GPC6: variants seen among roughly 807,000 people sequenced by gnomAD.
The protein encoded by GPC6 is glypican-6.
Under a neutral mutation model 55.2 loss-of-function variants are expected in GPC6, and 14 were observed. The observed-to-expected ratio is 0.25, with a 90% CI of 0.17 to 0.40. The LOEUF (loss-of-function observed/expected upper bound fraction) is 0.40, where lower values mean the gene tolerates loss of function less well. Ranked by LOEUF, GPC6 falls within the 10% of genes least tolerant of loss-of-function variation. The pLI is 1.00. For synonymous variants in GPC6, 278 were observed against 259.6 expected, an observed-to-expected ratio of 1.07 and a Z score of -0.68; for missense variants, 641 against 708.5, an observed-to-expected ratio of 0.90 and a Z score of 1.08.
chr13:93,326,475 C>A (rs914995892), intron 1 of GPC6, among the ~76,000 whole-genome samples: 1 of 152,040 alleles, frequency 6.6e-6, no homozygotes, highest in East Asian at 1.9e-4. Context: ...CACACGTGTA[C>A]GCAGTTCAAG....
intron 4 of GPC6, among the ~76,000 whole-genome samples, chr13:94,251,954 A>G (rs545137466): frequency 1.3e-5 from 2 of 152,210 alleles, no homozygotes; most frequent in African/African-American, 4.8e-5. Flanking sequence ...AATCTCAAGG[A>G]CACATTCTTC....
chr13:93,670,988 C>G (rs1260968550), intron 2 of GPC6, among the ~76,000 whole-genome samples: 1 of 152,142 alleles, frequency 6.6e-6, no homozygotes, highest in Non-Finnish European at 1.5e-5. Context: ...TGGTCTTGCT[C>G]CCTTTCCATT....
At chr13:93,673,822 A>G (rs1195570341) in intron 2 of GPC6, among the ~76,000 whole-genome samples, 2 of 152,054 alleles carry the variant, frequency 1.3e-5, no homozygotes, top group East Asian at 1.9e-4. Flanking sequence ...TGGCTTTTCA[A>G]TTTTTATTTT....
At chr13:93,553,171 T>C (rs943303496) in intron 2 of GPC6, among the ~76,000 whole-genome samples, 1 of 152,182 alleles carries the variant, frequency 6.6e-6, no homozygotes, top group Non-Finnish European at 1.5e-5. Context: ...GCAGATTCTT[T>C]ATGTTCCTTA....
chr13:94,028,599 C>T (rs1241107602), intron 4 of GPC6, among the ~76,000 whole-genome samples: 1 of 152,036 alleles, frequency 6.6e-6, no homozygotes, highest in Non-Finnish European at 1.5e-5. Flanking sequence ...TTTCCTTGAA[C>T]TCCTAGAATG....
chr13:94,373,791 A>G (rs565725383), intron 6 of GPC6, among the ~76,000 whole-genome samples: 1 of 152,340 alleles, frequency 6.6e-6, no homozygotes, highest in East Asian at 1.9e-4. Context: ...AATGAAGGAA[A>G]AAATGTTAAG....
At chr13:94,007,450 A>G (rs1882067356) in intron 3 of GPC6, among the ~76,000 whole-genome samples, 1 of 152,170 alleles carries the variant, frequency 6.6e-6, no homozygotes, top group Non-Finnish European at 1.5e-5. Flanking sequence ...GTGTTCTTGC[A>G]TGCTGCCCAT....
At chr13:94,097,443 C>T (rs888221363) in intron 4 of GPC6, among the ~76,000 whole-genome samples, 1 of 142,260 alleles carries the variant, frequency 7.0e-6, no homozygotes, top group Middle Eastern at 3.6e-3. Flanking sequence ...GGAGGCGGAG[C>T]TTGCAGTGAG....
At chr13:94,122,859 G>A (rs1241277247) in intron 4 of GPC6, among the ~76,000 whole-genome samples, 1 of 151,952 alleles carries the variant, frequency 6.6e-6, no homozygotes, top group East Asian at 1.9e-4. Flanking sequence ...TGTTTTTGAC[G>A]CTCTTCTTAC....
At chr13:93,825,301 G>T (rs1188753668) in intron 2 of GPC6, among the ~76,000 whole-genome samples, 1 of 152,146 alleles carries the variant, frequency 6.6e-6, no homozygotes, top group Non-Finnish European at 1.5e-5. Context: ...ACAGCACAGT[G>T]CTCCCCAAAC....
chr13:93,439,552 T>C (rs777430519), intron 1 of GPC6, among the ~76,000 whole-genome samples: 10 of 151,956 alleles, frequency 6.6e-5, no homozygotes, highest in South Asian at 4.2e-4. Flanking sequence ...CTTTCTTTTA[T>C]AAATTACCCA....
chr13:94,250,518 A>G (rs965855653), intron 4 of GPC6, among the ~76,000 whole-genome samples: 5 of 152,200 alleles, frequency 3.3e-5, no homozygotes, highest in African/African-American at 1.2e-4. Context: ...TCTTAACTCT[A>G]TAATTGTGAT....
At chr13:93,762,716 T>G (rs541394054) in intron 2 of GPC6, among the ~76,000 whole-genome samples, 2 of 152,332 alleles carry the variant, frequency 1.3e-5, no homozygotes, top group Admixed American at 1.3e-4. Context: ...CTAACCAGCC[T>G]TTATGGATAA....
chr13:93,480,819 T>C (rs2139341153), intron 1 of GPC6, among the ~76,000 whole-genome samples: 1 of 152,362 alleles, frequency 6.6e-6, no homozygotes, highest in Middle Eastern at 3.4e-3. Flanking sequence ...TGTGTGAACA[T>C]GCCACTTTTT....
At chr13:93,294,442 C>T (rs1878416724) in intron 1 of GPC6, among the ~76,000 whole-genome samples, 1 of 152,040 alleles carries the variant, frequency 6.6e-6, no homozygotes, top group African/African-American at 2.4e-5. Flanking sequence ...CCACTATCCA[C>T]CCCCATCCCC....
At position 93,447,228 on chromosome 13, in the gene GPC6, G is replaced by T. The variant is rs1446689709; in HGVS notation, c.161-98035G>T. 3.3e-5 allele frequency among the ~76,000 whole-genome samples: 5 copies of T among 152,076 alleles called. No homozygotes were observed. In the East Asian group the frequency reaches 7.7e-4, roughly 23 times the overall value. On this transcript the variant is annotated intron_variant, in intron 1 of 8. Transcript: ENST00000377047. Reference sequence around the variant, plus strand: ...AGTTACAGTATAAAGTTGAGAATTTGTTGCTTCTTTATATGGAATTTCTCT... The same window carrying T: ...AGTTACAGTATAAAGTTGAGAATTTTTTGCTTCTTTATATGGAATTTCTCT...
intron 4 of GPC6, among the ~76,000 whole-genome samples, chr13:94,109,933 A>T (rs1465989904): frequency 6.6e-6 from 1 of 152,068 alleles, no homozygotes; most frequent in Non-Finnish European, 1.5e-5. Flanking sequence ...TTGTTACAGT[A>T]ATCATGTGCT....
intron 2 of GPC6, among the ~76,000 whole-genome samples, chr13:93,625,984 A>G (rs1594321786): frequency 6.6e-6 from 1 of 151,982 alleles, no homozygotes; most frequent in South Asian, 2.1e-4. Context: ...TTCTGCTATA[A>G]TGCTTGTTTA....
chr13:94,108,423 C>T (rs1478868981), intron 4 of GPC6, among the ~76,000 whole-genome samples: 4 of 152,250 alleles, frequency 2.6e-5, no homozygotes, highest in African/African-American at 9.6e-5. Context: ...TTACCAATTA[C>T]GTTCTTGTAT....
Sources: allele counts gnomAD v4.1 joint callset (sites outside exome capture counted in the v4.1 genomes callset), GRCh38; gene constraint gnomAD v4.1.1; transcripts MANE v1.5; gene names NCBI Gene and HGNC (gene_info 2026-07-23, HGNC 2026-07-21).